The following DGLUCY variants were observed in gnomAD, a reference collection of about 807,000 sequenced individuals.
The protein encoded by DGLUCY is D-glutamate cyclase.
Under a neutral mutation model 58.5 loss-of-function variants are expected in DGLUCY, and 58 were observed. The ratio of observed to expected loss-of-function variants is 0.99; its 90% CI spans 0.80 to 1.23. The LOEUF (loss-of-function observed/expected upper bound fraction) is 1.23, where lower values mean the gene tolerates loss of function less well. Ranked by LOEUF, DGLUCY falls within the 50% of genes most tolerant of loss-of-function variation. The pLI, the probability that DGLUCY is intolerant of heterozygous loss-of-function variation, is 0.00. For missense variants in DGLUCY, 779 were observed against 784.7 expected, an observed-to-expected ratio of 0.99 and a Z score of 0.09; for synonymous variants, 325 against 314.1, an observed-to-expected ratio of 1.03 and a Z score of -0.37.
chr14:91,114,743 C>T (rs1026036224), intron 1 of DGLUCY: 1 of 152,298 alleles, frequency 6.6e-6, no homozygotes, highest in African/African-American at 2.4e-5. Context: ...GCCAGAGCTT[C>T]GTGGATACCT....
At chr14:91,073,009 C>A (rs952825487) in intron 1 of DGLUCY, among the ~76,000 whole-genome samples, 5 of 151,372 alleles carry the variant, frequency 3.3e-5, no homozygotes, top group African/African-American at 1.2e-4. Context: ...AAATAAAAAA[C>A]ATAAAATAAA....
At chr14:91,100,960 G>A (rs1416658159) in intron 1 of DGLUCY, among the ~76,000 whole-genome samples, 4 of 151,954 alleles carry the variant, frequency 2.6e-5, no homozygotes, top group Non-Finnish European at 5.9e-5. Context: ...GGTCCCAGCT[G>A]CTCGGGAGGC....
intron 7 of DGLUCY, among the ~76,000 whole-genome samples, chr14:91,176,943 CTTCTTCT>C (rs753051529): frequency 4.6e-4 from 67 of 145,520 alleles, no homozygotes; most frequent in Non-Finnish European, 8.0e-4. Flanking sequence ...CCTTCCTTCC[CTTCTTCT>C]TTCTTCTTTC....
rs117041676 is a variant in DGLUCY at position 91,119,719 on chromosome 14, A to G, written c.-82+5436A>G. ...GTGAGGGTGTTGCCAAAAGGAGATTAACATTTGAGTCAGTGAACTGGGAGA... is the reference window on the plus strand; with the variant it reads ...GTGAGGGTGTTGCCAAAAGGAGATTGACATTTGAGTCAGTGAACTGGGAGA... On this transcript the variant is annotated intron_variant, in intron 1 of 13. Coordinates refer to ENST00000256324, the MANE Select transcript of DGLUCY (RefSeq NM_001102368.3). Among the ~76,000 whole-genome samples, 1,203 of 152,278 alleles carry G rather than the reference A, an allele frequency of 7.9e-3. 9 individuals are homozygous for G. The highest frequency in any genetic ancestry group is 0.026 in the South Asian group (124 of 4,822).
chr14:91,068,079 G>GCACACACACACACA (rs57428509), intron 1 of DGLUCY, among the ~76,000 whole-genome samples: 10 of 146,434 alleles, frequency 6.8e-5, no homozygotes, highest in South Asian at 2.2e-4. Context: ...ACACGCGCAC[G>GCACACACACACACA]CACACACACA....
rs74752498 is a variant in DGLUCY, at chr14:91,212,203, G to A, written c.1565-3202G>A. On this transcript the variant is annotated intron_variant, in intron 12 of 13. Transcript: ENST00000256324. ...AGTTTCAAACTTCTGCCCTGCAAAC[G>A]ACAATGTTAAGAGAAGGAGAAGGCT... Among the ~76,000 whole-genome samples, 1,067 of 152,250 alleles carry A rather than the reference G, an allele frequency of 7.0e-3. 31 individuals carry two copies. The East Asian group carries it at 0.078, about 11-fold the overall frequency.
rs993554384 is a variant in DGLUCY at position 91,196,982 on chromosome 14, G to A, written c.1295+508G>A. ...GGTCAAACTTTTTTTCTTTTAGGGG[G>A]TGGGGATGGAGTCTTTATCTGTTGC... On this transcript the variant is annotated intron_variant, in intron 10 of 13. Transcript: ENST00000256324. Among the ~76,000 whole-genome samples the A allele has an allele frequency of 3.3e-5, 5 of 151,988 alleles. No homozygotes were observed. The East Asian group carries it at 9.6e-4, about 29-fold the overall frequency.
chr14:91,087,372 C>T (rs2044239623), intron 1 of DGLUCY, among the ~76,000 whole-genome samples: 1 of 152,192 alleles, frequency 6.6e-6, no homozygotes, highest in Admixed American at 6.5e-5. Flanking sequence ...AGACTTTCCT[C>T]CCCATCTAAT....
intron 8 of DGLUCY, among the ~76,000 whole-genome samples, chr14:91,181,643 T>G (rs1328850395): frequency 2.2e-5 from 3 of 138,654 alleles, no homozygotes; most frequent in Non-Finnish European, 4.9e-5. Context: ...TTCTTTCTCT[T>G]TCTTTCTTTT....
chr14:91,216,920 C>T (rs1345663950), intron 13 of DGLUCY, among the ~76,000 whole-genome samples: 4 of 152,224 alleles, frequency 2.6e-5, no homozygotes, highest in African/African-American at 7.2e-5. Context: ...AGGTGGCCAG[C>T]GCGCAGCACC....
chr14:91,196,545 A>C, intron 10 of DGLUCY, 71 bp downstream of exon 10: 1 of 1,276,834 alleles, frequency 7.8e-7, no homozygotes, highest in Non-Finnish European at 1.1e-6. Flanking sequence ...TTAGCCAACA[A>C]AGTGTCTGCA....
intron 1 of DGLUCY, among the ~76,000 whole-genome samples, chr14:91,117,276 T>C (rs2045026090): frequency 6.6e-6 from 1 of 152,208 alleles, no homozygotes; most frequent in Non-Finnish European, 1.5e-5. Context: ...GGCTGGTTTC[T>C]TTACCACAAA....
rs534781632 is a variant in DGLUCY at position 91,133,679 on chromosome 14, G to A, written c.-82+19396G>A. Among the ~76,000 whole-genome samples the A allele has an allele frequency of 2.7e-3, 409 of 152,096 alleles. 1 individual carries two copies. Among genetic ancestry groups the A allele is most frequent in the Non-Finnish European group, 4.2e-3 (284 of 67,976 alleles). On this transcript the variant is annotated intron_variant, in intron 1 of 13. Transcript: ENST00000256324. ...GCTGGGATTACAGGCATGAGCCACC[G>A]CCTGTAGCCCAATGTTAATTTTCTG... is the stretch of plus-strand genomic sequence containing the variant.
intron 9 of DGLUCY, chr14:91,189,891 C>G (rs2049762851): frequency 6.6e-6 from 1 of 151,982 alleles, no homozygotes; most frequent in Admixed American, 6.6e-5. Flanking sequence ...CAGAAGTTTC[C>G]AAAAGCCTGT....
intron 5 of DGLUCY, among the ~76,000 whole-genome samples, chr14:91,172,484 G>A (rs2048620526): frequency 1.3e-5 from 2 of 152,152 alleles, no homozygotes; most frequent in South Asian, 4.1e-4. Flanking sequence ...TTCATGGCTG[G>A]CAACAGAAAT....
chr14:91,151,073 C>T (rs956770726), intron 1 of DGLUCY, among the ~76,000 whole-genome samples: 4 of 152,214 alleles, frequency 2.6e-5, no homozygotes, highest in African/African-American at 9.6e-5. Context: ...CAATATTTGT[C>T]ACTTATGTCT....
intron 1 of DGLUCY, among the ~76,000 whole-genome samples, chr14:91,128,129 T>C (rs947860303): frequency 1.8e-4 from 27 of 151,884 alleles, no homozygotes; most frequent in Non-Finnish European, 1.8e-4. Flanking sequence ...AAAACCCTGC[T>C]CCTGGTACAG....
Position 91,160,417 on chromosome 14 carries a change from T to TAAAA in DGLUCY, c.103+41_103+44dup, listed in dbSNP as rs34785372. On this transcript the variant is annotated intron_variant, in intron 3 of 13. Coordinates refer to ENST00000256324, the MANE Select transcript of DGLUCY (RefSeq NM_001102368.3). ...CTGGAGGTAAGTGGTGCCAGATAGT[T>TAAAA]AAAAAAAAAAAAAAAAAAAAAAAAG... 8.2e-4 allele frequency: 472 copies of TAAAA among 579,136 alleles called. No homozygotes were observed. Among genetic ancestry groups the TAAAA allele is most frequent in the African/African-American group, 2.8e-3 (97 of 34,332 alleles). The allele number at this position is 579,136 out of a possible 1,614,324, so 35.9% of individuals were successfully genotyped here.
chr14:91,102,751 G>GTGTGTGTA (rs1012500306), intron 1 of DGLUCY, among the ~76,000 whole-genome samples: 1 of 148,220 alleles, frequency 6.7e-6, no homozygotes, highest in Non-Finnish European at 1.5e-5. Context: ...GTATGTGTGT[G>GTGTGTGTA]TGTGTGTGTG....
Sources: allele counts gnomAD v4.1 joint callset (sites outside exome capture counted in the v4.1 genomes callset), GRCh38; gene constraint gnomAD v4.1.1; transcripts MANE v1.5; gene names NCBI Gene and HGNC (gene_info 2026-07-23, HGNC 2026-07-21).